KIAA1217: variants seen among roughly 807,000 people sequenced by gnomAD.
The protein encoded by KIAA1217 is KIAA1217.
In KIAA1217, 88 loss-of-function variants were observed where a neutral mutation model predicts 163.9. That is an observed-to-expected ratio of 0.54 (90% CI 0.45 to 0.64). The LOEUF (loss-of-function observed/expected upper bound fraction) is 0.64. Among genes scored for constraint, KIAA1217 ranks in the 30% least tolerant of loss-of-function variants. The pLI is 0.00. For missense variants in KIAA1217, 2,372 were observed against 2,475.0 expected, an observed-to-expected ratio of 0.96 and a Z score of 0.88; for synonymous variants, 903 against 923.1, an observed-to-expected ratio of 0.98 and a Z score of 0.39.
At chr10:24,397,331 A>G (rs895963088) in intron 3 of KIAA1217, among the ~76,000 whole-genome samples, 1 of 151,880 alleles carries the variant, frequency 6.6e-6, no homozygotes, top group Admixed American at 6.6e-5. Context: ...CTCGCGATCC[A>G]CCCGGCTTGG....
rs189689100 is a variant in KIAA1217 at position 23,879,663 on chromosome 10, T to C, written c.-320-127562T>C. On this transcript the variant is annotated intron_variant, in intron 1 of 18. Transcript: ENST00000376462. ...GGAAAAGACAGATTGGAACCAGTCC[T>C]TCTAAGACCATTCTTTAATGAGTTT... Among the ~76,000 whole-genome samples the C allele has an allele frequency of 1.6e-4, 24 of 152,058 alleles. No individual in the cohort carries two copies. In the East Asian group the frequency reaches 2.9e-3, roughly 19 times the overall value.
intron 1 of KIAA1217, among the ~76,000 whole-genome samples, chr10:23,930,631 G>A (rs1184913509): frequency 3.3e-5 from 5 of 152,324 alleles, no homozygotes; most frequent in East Asian, 3.9e-4. Flanking sequence ...AGGGCAATAT[G>A]AGAAGTGAGT....
At chr10:23,886,899 G>T (rs1841198601) in intron 1 of KIAA1217, among the ~76,000 whole-genome samples, 1 of 151,002 alleles carries the variant, frequency 6.6e-6, no homozygotes, top group South Asian at 2.1e-4. Context: ...TTGAATTTTG[G>T]AATCAAATTC....
rs1219042724 is a variant in KIAA1217 at position 23,863,778 on chromosome 10, C to G, written c.-320-143447C>G. Among the ~76,000 whole-genome samples, 4 of 152,128 alleles carry G rather than the reference C, an allele frequency of 2.6e-5. No homozygotes were observed. In the East Asian group the frequency reaches 7.7e-4, roughly 29 times the overall value. On this transcript the variant is annotated intron_variant, in intron 1 of 18. Transcript: ENST00000376462. Reference sequence around the variant, plus strand: ...TAGATTTTACCTCTGAGATTCTCCCCTTTATTTATTTCTACTGCCATGGCC... The same window carrying G: ...TAGATTTTACCTCTGAGATTCTCCCGTTTATTTATTTCTACTGCCATGGCC...
intron 1 of KIAA1217, among the ~76,000 whole-genome samples, chr10:23,806,869 C>T (rs780261523): frequency 9.2e-5 from 14 of 152,186 alleles, no homozygotes; most frequent in Non-Finnish European, 1.2e-4. Context: ...TCCTAAGGTG[C>T]TTCCCACCCC....
At chr10:24,511,529 C>G (rs12242674) in intron 9 of KIAA1217, among the ~76,000 whole-genome samples, 45,148 of 151,758 alleles carry the variant, frequency 0.3, 7,012 homozygotes, top group Middle Eastern at 0.4. Flanking sequence ...CACCTGTAAT[C>G]CCAGCTACTT....
chr10:24,450,503 T>G (rs1427585496), intron 5 of KIAA1217, among the ~76,000 whole-genome samples: 1 of 152,230 alleles, frequency 6.6e-6, no homozygotes, highest in East Asian at 1.9e-4. Flanking sequence ...TATTTTTGCA[T>G]TGATTTCCTT....
chr10:24,410,225 A>T (rs186786861), intron 3 of KIAA1217, among the ~76,000 whole-genome samples: 25 of 151,690 alleles, frequency 1.6e-4, no homozygotes, highest in African/African-American at 5.8e-4. Context: ...CGAACTCCCA[A>T]CCTCAGGCAA....
intron 2 of KIAA1217, among the ~76,000 whole-genome samples, chr10:24,049,948 T>C (rs1302774422): frequency 6.6e-6 from 1 of 152,236 alleles, no homozygotes; most frequent in Non-Finnish European, 1.5e-5. Flanking sequence ...TTCCTATTTC[T>C]CCACTTCCTC....
chr10:23,946,246 G>A (rs978490543), intron 1 of KIAA1217, among the ~76,000 whole-genome samples: 2 of 139,796 alleles, frequency 1.4e-5, no homozygotes, highest in African/African-American at 5.7e-5. Context: ...CATGCTGTGT[G>A]CCTCCAATGT....
intron 1 of KIAA1217, among the ~76,000 whole-genome samples, chr10:24,212,638 A>G (rs1181021331): frequency 6.6e-6 from 1 of 152,198 alleles, no homozygotes; most frequent in Non-Finnish European, 1.5e-5. Context: ...GCATGGCTTC[A>G]TTTTTAGTTC....
Position 24,209,226 on chromosome 10 carries a change from G to A in KIAA1217, c.33G>A (p.Pro11=), listed in dbSNP as rs747450641. 1.2e-6 allele frequency: 2 copies of A among 1,613,862 alleles called. No individual in the cohort carries two copies. Among genetic ancestry groups the A allele is most frequent in the Non-Finnish European group, 1.7e-6 (2 of 1,179,910 alleles). The stretch of plus-strand genomic sequence containing the variant: ...AAAATGAAAGCCAGAAATGTGAGCC[G>A]TGCCTTCCTTACTCAGCAGACAGAA... The part of the protein sequence containing the change: MEENESQKCE[P]CLPYSADRRQ... The change falls in exon 1 of 21, where the codon CCG becomes CCA. Residue 11 remains proline, a synonymous_variant. Coordinates refer to ENST00000376454, the MANE Select transcript of KIAA1217 (RefSeq NM_019590.5).
At chr10:24,179,006 AC>A (rs1269468360) in intron 2 of KIAA1217, among the ~76,000 whole-genome samples, 2 of 152,220 alleles carry the variant, frequency 1.3e-5, no homozygotes, top group East Asian at 3.9e-4. Flanking sequence ...CTGTTTCTTT[AC>A]CCTCTTAGAT....
chr10:24,166,339 T>C (rs1352670948), intron 2 of KIAA1217, among the ~76,000 whole-genome samples: 1 of 152,194 alleles, frequency 6.6e-6, no homozygotes, highest in Non-Finnish European at 1.5e-5. Context: ...AAGAATAATC[T>C]TGGTTGTTGA....
chr10:24,296,802 G>T (rs2040671580), intron 2 of KIAA1217, among the ~76,000 whole-genome samples: 1 of 152,336 alleles, frequency 6.6e-6, no homozygotes, highest in Non-Finnish European at 1.5e-5. Flanking sequence ...GAGAAAGCTT[G>T]CTAATTGGGG....
At chr10:24,062,164 C>T (rs145167212) in intron 2 of KIAA1217, among the ~76,000 whole-genome samples, 2,844 of 151,402 alleles carry the variant, frequency 0.019, 90 homozygotes, top group African/African-American at 0.066. Flanking sequence ...ATACTTTAAG[C>T]TTTAGGGTAC....
chr10:24,129,542 A>G (rs1226309946), intron 2 of KIAA1217, among the ~76,000 whole-genome samples: 3 of 152,166 alleles, frequency 2.0e-5, no homozygotes, highest in Non-Finnish European at 4.4e-5. Flanking sequence ...TAACTCTAGA[A>G]CAGTTATACT....
At chr10:24,140,136 G>C (rs537796986) in intron 2 of KIAA1217, among the ~76,000 whole-genome samples, 2 of 152,062 alleles carry the variant, frequency 1.3e-5, no homozygotes, top group African/African-American at 4.8e-5. Flanking sequence ...GAGGCGGGTG[G>C]ATCACGAGGT....
At chr10:23,884,563 T>G (rs997099732) in intron 1 of KIAA1217, among the ~76,000 whole-genome samples, 4 of 151,992 alleles carry the variant, frequency 2.6e-5, no homozygotes, top group African/African-American at 7.2e-5. Context: ...CTTCAGCTAA[T>G]TTAGCCTGTA....
Sources: allele counts gnomAD v4.1 joint callset (sites outside exome capture counted in the v4.1 genomes callset), GRCh38; gene constraint gnomAD v4.1.1; transcripts MANE v1.5; gene names NCBI Gene and HGNC (gene_info 2026-07-23, HGNC 2026-07-21).